The following CASK variants were observed in gnomAD, a reference collection of about 807,000 sequenced individuals.
CASK encodes the protein peripheral plasma membrane protein CASK.
CASK carries 4 observed loss-of-function variants against 82.9 expected under a neutral mutation model. The ratio of observed to expected loss-of-function variants is 0.05; its 90% CI spans 0.02 to 0.11. The LOEUF (loss-of-function observed/expected upper bound fraction) is 0.11, where lower values mean the gene tolerates loss of function less well. Among genes scored for constraint, CASK ranks in the 10% least tolerant of loss-of-function variants. The pLI is 1.00. For missense variants in CASK, 358 were observed against 720.9 expected, an observed-to-expected ratio of 0.50 and a Z score of 5.76; for synonymous variants, 259 against 253.5, an observed-to-expected ratio of 1.02 and a Z score of -0.20.
intron 1 of CASK, among the ~76,000 whole-genome samples, chrX:41,891,751 T>C (rs1601946612): frequency 8.9e-6 from 1 of 111,924 alleles, no homozygotes; most frequent in East Asian, 2.8e-4. Context: ...TAGATAAATA[T>C]CTTTGATATA....
chrX:41,850,631 A>C (rs1252532434), intron 2 of CASK, among the ~76,000 whole-genome samples: 1 of 111,885 alleles, frequency 8.9e-6, no homozygotes, highest in East Asian at 2.8e-4. Flanking sequence ...ATTCCTTTTT[A>C]CTGTGTTAAA....
chrX:41,595,001 C>T (rs902897114), intron 12 of CASK, among the ~76,000 whole-genome samples: 7 of 111,780 alleles, frequency 6.3e-5, no homozygotes, highest in African/African-American at 2.3e-4. Context: ...GTAATAGCCC[C>T]TAGCGTGAGG....
chrX:41,775,047 A>G (rs1251158298), intron 3 of CASK, among the ~76,000 whole-genome samples: 1 of 109,760 alleles, frequency 9.1e-6, no homozygotes, highest in African/African-American at 3.3e-5. Flanking sequence ...ATCTAATTAA[A>G]CTAAAGAGCT....
chrX:41,520,703 C>T (rs1448675379), intron 26 of CASK, 107 bp from the exon 27 acceptor site: 1 of 726,636 alleles, frequency 1.4e-6, no homozygotes, highest in African/African-American at 2.1e-5. Flanking sequence ...TTGTTCATCC[C>T]AGTGTCAGAA....
chrX:41,634,136 G>A (rs1009724712), intron 9 of CASK, among the ~76,000 whole-genome samples: 1 of 106,312 alleles, frequency 9.4e-6, no homozygotes, highest in Non-Finnish European at 2.0e-5. Context: ...AAATTAAACT[G>A]TCACCCACCA....
intron 5 of CASK, among the ~76,000 whole-genome samples, chrX:41,718,545 T>C (rs2068103400): frequency 8.9e-6 from 1 of 112,362 alleles, no homozygotes; most frequent in Non-Finnish European, 1.9e-5. Flanking sequence ...GTCCACTGAA[T>C]TGCTTGCTTG....
At chrX:41,621,405 C>T (rs950233993) in intron 11 of CASK, among the ~76,000 whole-genome samples, 10 of 112,065 alleles carry the variant, frequency 8.9e-5, no homozygotes, top group Non-Finnish European at 1.7e-4. Context: ...CTTTTGCCCC[C>T]CTCTTTTATC....
At chrX:41,625,781 T>C (rs1274883193) in intron 10 of CASK, among the ~76,000 whole-genome samples, 1 of 107,907 alleles carries the variant, frequency 9.3e-6, no homozygotes, top group Non-Finnish European at 1.9e-5. Flanking sequence ...TGTTACAGAT[T>C]TTTTTTTTCT....
intron 16 of CASK, 183 bp from the exon 17 acceptor site, chrX:41,561,827 T>C: frequency 2.4e-6 from 1 of 422,252 alleles, no homozygotes; most frequent in East Asian, 4.0e-5. Flanking sequence ...TCAAAACAGA[T>C]ATATCTACTT....
At chrX:41,739,827 G>A (rs1424771038) in intron 4 of CASK, among the ~76,000 whole-genome samples, 2 of 112,443 alleles carry the variant, frequency 1.8e-5, no homozygotes, top group African/African-American at 6.5e-5. Flanking sequence ...AGTGCTCAGG[G>A]CTGCCCCAAG....
chrX:41,706,455 T>C, intron 5 of CASK, among the ~76,000 whole-genome samples: 1 of 111,697 alleles, frequency 9.0e-6, no homozygotes, highest in Middle Eastern at 4.6e-3. Context: ...AGCTCTGGTA[T>C]TGAAGATGTC....
intron 5 of CASK, among the ~76,000 whole-genome samples, chrX:41,736,502 AAAAC>A (rs2068501635): frequency 8.9e-6 from 1 of 111,855 alleles, no homozygotes; most frequent in African/African-American, 3.3e-5. Flanking sequence ...CCTGTATCAA[AAAAC>A]AAACAAAACA....
chrX:41,758,045 C>T (rs934036602), intron 3 of CASK, among the ~76,000 whole-genome samples: 15 of 112,085 alleles, frequency 1.3e-4, no homozygotes, highest in Non-Finnish European at 2.4e-4. Context: ...ATTCAGTATT[C>T]AATCATTAAA....
intron 1 of CASK, among the ~76,000 whole-genome samples, chrX:41,854,222 G>A (rs867599748): frequency 4.8e-3 from 401 of 83,470 alleles, no homozygotes; most frequent in African/African-American, 7.5e-3. Flanking sequence ...GCGCGGGCGC[G>A]CGCACACACA....
At position 41,606,242 on chromosome X, in the gene CASK, T is replaced by TTTCA. The variant is rs201930152; in HGVS notation, c.1155+3658_1155+3661dup. 2.5e-3 allele frequency among the ~76,000 whole-genome samples: 256 copies of TTTCA among 103,926 alleles called. 1 individual carries two copies. The highest frequency in any genetic ancestry group is 3.3e-3 in the Non-Finnish European group (166 of 51,013). The allele number at this position is 103,926 out of a possible 115,157, so 90.2% of individuals were successfully genotyped here. A position where few individuals can be genotyped will look rare whatever the true frequency, so the allele number is the denominator to read the frequency against. On this transcript the variant is annotated intron_variant, in intron 12 of 26. Transcript: ENST00000378163. Reference sequence around the variant, plus strand: ...TTTATTTCATTCATGATGATTAAGCTTTCATTCATTCATTCATTCATTCAT... The same window carrying TTTCA: ...TTTATTTCATTCATGATGATTAAGCTTTCATTCATTCATTCATTCATTCATTCAT...
At chrX:41,855,794 G>T (rs1027291661) in intron 1 of CASK, among the ~76,000 whole-genome samples, 3 of 111,907 alleles carry the variant, frequency 2.7e-5, no homozygotes, top group African/African-American at 9.7e-5. Flanking sequence ...AATTATGACC[G>T]TATTAAAAAT....
intron 5 of CASK, among the ~76,000 whole-genome samples, chrX:41,672,381 G>T (rs753362897): frequency 9.0e-6 from 1 of 110,886 alleles, no homozygotes; most frequent in South Asian, 3.9e-4. Context: ...TTTCATAATG[G>T]GGAGCTCTGG....
intron 22 of CASK, 56 bp from the exon 23 acceptor site, chrX:41,535,029 C>A: frequency 2.6e-6 from 2 of 763,081 alleles, no homozygotes; most frequent in Non-Finnish European, 2.0e-6. Flanking sequence ...ATTTCATGTA[C>A]ATAAATTATA....
rs57963407 is a variant in CASK at position 41,710,081 on chromosome X, TTGTGTG to T, written c.429+29297_429+29302del. On this transcript the variant is annotated intron_variant, in intron 5 of 26. Coordinates refer to ENST00000378163, the MANE Select transcript of CASK (RefSeq NM_001367721.1). ...GTCACTGTTTCCCAGGGTATAGATT[TTGTGTG>T]TGTGTGTGTGTGTGTGTGTGTGTGT... Among the ~76,000 whole-genome samples, 316 of 72,170 alleles carry T rather than the reference TTGTGTG, an allele frequency of 4.4e-3. 4 individuals are homozygous for T. Among genetic ancestry groups the T allele is most frequent in the Admixed American group, 0.032 (194 of 5,997 alleles). 62.7% of individuals were successfully genotyped at this position (72,170 alleles called of 115,157 possible).
Sources: gnomAD v4.1 joint callset for allele counts (sites outside exome capture counted in the v4.1 genomes callset) on GRCh38, gnomAD v4.1.1 for gene constraint, MANE v1.5 for transcripts, NCBI Gene and HGNC (gene_info 2026-07-23, HGNC 2026-07-21) for gene names.